The following C10orf143 variants were observed in gnomAD, a reference collection of about 807,000 sequenced individuals.
C10orf143 encodes the protein uncharacterized protein C10orf143.
chr10:130,102,080 C>T (rs1015415682), intron 1 of C10orf143, among the ~76,000 whole-genome samples: 8 of 151,848 alleles, frequency 5.3e-5, no homozygotes, highest in African/African-American at 1.9e-4. Flanking sequence ...CCAGCCTGGA[C>T]AACATGGTGA....
At chr10:130,058,184 A>T (rs2134738714) in intron 3 of C10orf143, among the ~76,000 whole-genome samples, 1 of 152,272 alleles carries the variant, frequency 6.6e-6, no homozygotes, top group African/African-American at 2.4e-5. Flanking sequence ...CAGACTTAAG[A>T]GTCTGCATTT....
intron 1 of C10orf143, among the ~76,000 whole-genome samples, chr10:130,080,288 A>C (rs796943852): frequency 2.0e-5 from 3 of 152,366 alleles, no homozygotes; most frequent in African/African-American, 7.2e-5. Flanking sequence ...TTCTTAATAC[A>C]ATATGAATAA....
intron 3 of C10orf143, among the ~76,000 whole-genome samples, chr10:130,043,824 G>A (rs947206919): frequency 4.6e-5 from 7 of 152,244 alleles, no homozygotes; most frequent in Admixed American, 4.6e-4. Context: ...CAAAATGAAC[G>A]AGCAGATGCC....
At chr10:130,099,774 C>A (rs1028916992) in intron 1 of C10orf143, among the ~76,000 whole-genome samples, 1 of 150,938 alleles carries the variant, frequency 6.6e-6, no homozygotes, top group East Asian at 2.0e-4. Context: ...GTGATCCGTC[C>A]GCCTCAGCCT....
chr10:130,076,317 C>G (rs1411470766), intron 3 of C10orf143, among the ~76,000 whole-genome samples: 1 of 152,180 alleles, frequency 6.6e-6, no homozygotes, highest in East Asian at 1.9e-4. Flanking sequence ...CTCCTTCTCC[C>G]CCACATTCCT....
intron 3 of C10orf143, among the ~76,000 whole-genome samples, chr10:130,074,680 G>A (rs565615776): frequency 1.3e-5 from 2 of 152,134 alleles, no homozygotes; most frequent in East Asian, 3.9e-4. Flanking sequence ...AGATGATGTA[G>A]GTGTAGAAAG....
chr10:130,093,874 G>T (rs913223231), intron 1 of C10orf143, among the ~76,000 whole-genome samples: 8 of 151,896 alleles, frequency 5.3e-5, no homozygotes, highest in Non-Finnish European at 1.0e-4. Context: ...ACCAAGTGTA[G>T]TGGCGGGCAC....
At chr10:130,035,658 C>T (rs1860537333) in intron 4 of C10orf143, among the ~76,000 whole-genome samples, 2 of 152,204 alleles carry the variant, frequency 1.3e-5, no homozygotes, top group Non-Finnish European at 2.9e-5. Context: ...GTGGTAGCTG[C>T]CAGGATTCCC....
chr10:130,076,267 C>T lies in C10orf143; in HGVS notation c.297+3299G>A, dbSNP rs180835117. On this transcript the variant is annotated intron_variant, in intron 3 of 3. Transcript: ENST00000637128. ...ACTACTCTGCAGGAGCTATGTACTGCGGGAGGGCTAGAGAGAGAGAGAAAT... is the reference window on the plus strand; with the variant it reads ...ACTACTCTGCAGGAGCTATGTACTGTGGGAGGGCTAGAGAGAGAGAGAAAT... 2.5e-3 allele frequency among the ~76,000 whole-genome samples: 376 copies of T among 152,202 alleles called. 2 individuals are homozygous for T. The highest frequency in any genetic ancestry group is 8.6e-3 in the African/African-American group (358 of 41,528).
intron 1 of C10orf143, chr10:130,106,546 G>A (rs746099679): frequency 1.3e-5 from 21 of 1,592,202 alleles, no homozygotes; most frequent in Middle Eastern, 1.7e-4. Flanking sequence ...AATTGATGGC[G>A]GATATTTCAA....
chr10:130,052,917 C>T (rs1445640703), intron 3 of C10orf143, among the ~76,000 whole-genome samples: 1 of 152,200 alleles, frequency 6.6e-6, no homozygotes, highest in Non-Finnish European at 1.5e-5. Context: ...GGAGGTCATT[C>T]GTACAGTAAA....
At chr10:130,091,673 A>C (rs1861384643) in intron 1 of C10orf143, among the ~76,000 whole-genome samples, 2 of 152,240 alleles carry the variant, frequency 1.3e-5, no homozygotes, top group South Asian at 4.1e-4. Context: ...ACCTTGAAAA[A>C]AGTTAGATGA....
chr10:130,045,950 C>G (rs766332547), intron 3 of C10orf143, among the ~76,000 whole-genome samples: 3 of 151,988 alleles, frequency 2.0e-5, no homozygotes, highest in Non-Finnish European at 4.4e-5. Context: ...CCTCACCTGC[C>G]GGGCGTGAGG....
chr10:130,039,542 C>G (rs1206928680), intron 3 of C10orf143, among the ~76,000 whole-genome samples: 1 of 152,192 alleles, frequency 6.6e-6, no homozygotes, highest in Admixed American at 6.5e-5. Flanking sequence ...CCACACTGAT[C>G]TCATGAGTGT....
intron 1 of C10orf143, among the ~76,000 whole-genome samples, chr10:130,095,525 C>T (rs1037747363): frequency 3.9e-5 from 6 of 152,198 alleles, no homozygotes; most frequent in African/African-American, 1.4e-4. Flanking sequence ...AGGCATCACG[C>T]TGCCTGACTT....
At chr10:130,046,123 G>A (rs1860668716) in intron 3 of C10orf143, among the ~76,000 whole-genome samples, 1 of 151,620 alleles carries the variant, frequency 6.6e-6, no homozygotes, top group Non-Finnish European at 1.5e-5. Context: ...ACGGGGCGTG[G>A]CGTGGGGCAC....
intron 1 of C10orf143, chr10:130,106,038 T>G (rs767745581): frequency 1.1e-5 from 6 of 532,494 alleles, no homozygotes; most frequent in Admixed American, 2.3e-5. Context: ...CAGAGCAGCC[T>G]TGGCGCTATG....
downstream of C10orf143, among the ~76,000 whole-genome samples, chr10:130,063,456 A>G (rs1412902278): frequency 6.6e-6 from 1 of 152,202 alleles, no homozygotes; most frequent in African/African-American, 2.4e-5. Flanking sequence ...TGATCGAGTC[A>G]TAGCTCTGGG....
chr10:130,078,266 C>T (rs1861152148), intron 3 of C10orf143, among the ~76,000 whole-genome samples: 1 of 152,068 alleles, frequency 6.6e-6, no homozygotes, highest in South Asian at 2.1e-4. Context: ...AGAATCTGTA[C>T]TACATTCCAA....
Sources: gnomAD v4.1 joint callset for allele counts (sites outside exome capture counted in the v4.1 genomes callset) on GRCh38, gnomAD v4.1.1 for gene constraint, MANE v1.5 for transcripts, NCBI Gene and HGNC (gene_info 2026-07-23, HGNC 2026-07-21) for gene names.